The following TAX1BP1 variants were observed in gnomAD, a reference collection of about 807,000 sequenced individuals.
TAX1BP1 encodes Tax1 binding protein 1.
TAX1BP1 carries 62 observed loss-of-function variants against 97.7 expected under a neutral mutation model. That is an observed-to-expected ratio of 0.63 (90% CI 0.52 to 0.78). The LOEUF is 0.78. Among genes scored for constraint, TAX1BP1 ranks in the 30% least tolerant of loss-of-function variants. TAX1BP1 has a pLI of 0.00. For synonymous variants in TAX1BP1, 340 were observed against 304.2 expected (o/e 1.12, Z -1.23); for missense variants, 867 against 916.1 (o/e 0.95, Z 0.69).
At chr7:27,765,235 C>G (rs1467007159) in intron 3 of TAX1BP1, among the ~76,000 whole-genome samples, 1 of 151,148 alleles carries the variant, frequency 6.6e-6, no homozygotes, top group Admixed American at 6.6e-5. Flanking sequence ...AGGCTGGTCT[C>G]TAACTCCAGG....
chr7:27,740,340 C>G (rs1443574769), intron 1 of TAX1BP1, 71 bp downstream of exon 1: 1 of 152,354 alleles, frequency 6.6e-6, no homozygotes, highest in Non-Finnish European at 1.5e-5. Context: ...TTTTAGGGCT[C>G]GTGCTACACC....
intron 8 of TAX1BP1, among the ~76,000 whole-genome samples, chr7:27,790,939 T>C (rs1789680762): frequency 1.3e-5 from 2 of 152,184 alleles, no homozygotes; most frequent in African/African-American, 4.8e-5. Context: ...GTTGAATTTT[T>C]TTACTGCATA....
At chr7:27,822,264 G>A (rs953679601) in intron 15 of TAX1BP1, among the ~76,000 whole-genome samples, 3 of 152,192 alleles carry the variant, frequency 2.0e-5, no homozygotes, top group African/African-American at 7.2e-5. Context: ...TCATGTGTTA[G>A]ACATTTGGGT....
chr7:27,753,948 T>A (rs1788112488), intron 2 of TAX1BP1, among the ~76,000 whole-genome samples: 1 of 152,214 alleles, frequency 6.6e-6, no homozygotes, highest in Non-Finnish European at 1.5e-5. Flanking sequence ...TTTTTTAAAC[T>A]TTAGAGTCTT....
chr7:27,793,535 A>G (rs558948448), intron 10 of TAX1BP1, among the ~76,000 whole-genome samples: 2 of 152,322 alleles, frequency 1.3e-5, no homozygotes, highest in South Asian at 2.1e-4. Flanking sequence ...TGACCATGAC[A>G]TCTATCCTCA....
intron 13 of TAX1BP1, among the ~76,000 whole-genome samples, chr7:27,815,536 C>T (rs79273491): frequency 2.0e-5 from 3 of 151,972 alleles, no homozygotes; most frequent in Admixed American, 1.3e-4. Flanking sequence ...TTGGGTTTGA[C>T]GTGCTATAAG....
Position 27,758,054 on chromosome 7 carries a change from T to C in TAX1BP1, c.186T>C (p.Asp62=), listed in dbSNP as rs1411857922. The change falls in exon 3 of 17, where the codon GAT becomes GAC. Residue 62 remains aspartate, a synonymous_variant. Coordinates refer to ENST00000396319, the MANE Select transcript of TAX1BP1 (RefSeq NM_006024.7). ...IFKVGWSTAR[D]YYTFLWSPMP... The stretch of plus-strand genomic sequence containing the variant: ...AGGTTGGATGGAGTACTGCTCGTGA[T>C]TATTACACGTTTTTATGGTCCCCTA... 2.5e-6 allele frequency: 4 copies of C among 1,611,986 alleles called. No individual in the cohort carries two copies. In the South Asian group the frequency reaches 4.4e-5, roughly 18 times the overall value.
intron 10 of TAX1BP1, among the ~76,000 whole-genome samples, chr7:27,793,831 A>C (rs1404051041): frequency 6.6e-6 from 1 of 152,240 alleles, no homozygotes; most frequent in Admixed American, 6.5e-5. Flanking sequence ...TAGAAGAAAC[A>C]TATTTAAAAC....
Position 27,769,787 on chromosome 7 carries a change from C to G in TAX1BP1, c.565C>G (p.Leu189Val), listed in dbSNP as rs1218458298. Residue 189 changes from leucine to valine, a missense_variant, in exon 5 of 17, where the codon CTT (leucine) becomes GTT (valine). Around this residue, in one of 3 missense-constraint regions of TAX1BP1, gnomAD observed 822 missense variants for 851.4 expected, o/e 0.97. Transcript: ENST00000396319. ...ACAAGTTGGGAGAATGGAAAGAGAA[C>G]TTAACCATGAGAAAGAAAGATGTGA... ...REQVGRMERE[L>V]NHEKERCDQL... 1.5e-5 allele frequency: 24 copies of G among 1,612,400 alleles called. No homozygotes were observed. The highest frequency in any genetic ancestry group is 2.0e-5 in the Non-Finnish European group (24 of 1,179,028).
chr7:27,824,599 C>T (rs989540544), intron 15 of TAX1BP1, among the ~76,000 whole-genome samples: 29 of 147,884 alleles, frequency 2.0e-4, no homozygotes, highest in Admixed American at 1.9e-3. Context: ...CCAAGGTGGT[C>T]GTATGCTTTT....
intron 4 of TAX1BP1, among the ~76,000 whole-genome samples, chr7:27,766,366 G>C (rs1276961156): frequency 7.7e-6 from 1 of 129,834 alleles, no homozygotes; most frequent in African/African-American, 2.9e-5. Flanking sequence ...CTTGCAGTGA[G>C]CCAAGATCGT....
intron 8 of TAX1BP1, among the ~76,000 whole-genome samples, chr7:27,790,309 GT>G (rs1179456211): frequency 1.3e-5 from 2 of 151,426 alleles, no homozygotes; most frequent in Admixed American, 6.6e-5. Context: ...GTTTTTGATT[GT>G]TTATAGTCTT....
At chr7:27,746,955 T>C (rs955469031) in intron 1 of TAX1BP1, among the ~76,000 whole-genome samples, 2 of 152,226 alleles carry the variant, frequency 1.3e-5, no homozygotes, top group African/African-American at 4.8e-5. Flanking sequence ...TTCAAACAGG[T>C]CAGCAAAAGA....
intron 13 of TAX1BP1, among the ~76,000 whole-genome samples, chr7:27,806,634 A>G (rs77130353): frequency 6.6e-6 from 1 of 152,064 alleles, no homozygotes; most frequent in South Asian, 2.1e-4. Flanking sequence ...TGGTAGTAAC[A>G]TGGTGTTTTA....
intron 3 of TAX1BP1, 89 bp from the exon 4 acceptor site, chr7:27,765,745 G>A (rs192031208): frequency 8.9e-7 from 1 of 1,127,478 alleles, no homozygotes; most frequent in East Asian, 2.5e-5. Flanking sequence ...ACAGTGTGGG[G>A]AATGAGACAT....
chr7:27,765,423 A>G (rs1449663399), intron 3 of TAX1BP1, among the ~76,000 whole-genome samples: 3 of 152,158 alleles, frequency 2.0e-5, no homozygotes, highest in African/African-American at 4.8e-5. Context: ...TCTTATTTAC[A>G]TGTAATGAAT....
chr7:27,794,528 C>A, intron 11 of TAX1BP1, 82 bp downstream of exon 11: 1 of 1,371,122 alleles, frequency 7.3e-7, no homozygotes, highest in South Asian at 2.0e-5. Context: ...GTTAGAATTT[C>A]AGGATGTTCA....
At chr7:27,803,743 C>T (rs187620907) in intron 13 of TAX1BP1, among the ~76,000 whole-genome samples, 282 of 152,270 alleles carry the variant, frequency 1.9e-3, no homozygotes, top group Admixed American at 4.2e-3. Context: ...ATTTTATTGA[C>T]GCTTGATCCT....
chr7:27,808,558 C>T (rs1346210332), intron 13 of TAX1BP1, among the ~76,000 whole-genome samples: 1 of 152,134 alleles, frequency 6.6e-6, no homozygotes, highest in African/African-American at 2.4e-5. Flanking sequence ...CTCCTTTACT[C>T]TCAGAACATT....
Sources: allele counts gnomAD v4.1 joint callset (sites outside exome capture counted in the v4.1 genomes callset), GRCh38; gene constraint gnomAD v4.1.1; regional missense constraint gnomAD v4.1.1; transcripts MANE v1.5; gene names NCBI Gene and HGNC (gene_info 2026-07-23, HGNC 2026-07-21).